Variants in PDE10A observed in about 807,000 individuals in gnomAD.
The protein encoded by PDE10A is phosphodiesterase 10A, also known as cAMP and cAMP-inhibited cGMP 3',5'-cyclic phosphodiesterase 10A.
A neutral mutation model predicts 97.7 loss-of-function variants in PDE10A; 39 were observed. The ratio of observed to expected loss-of-function variants is 0.40; its 90% confidence interval spans 0.31 to 0.52. The LOEUF is 0.52. Ranked by LOEUF, PDE10A falls within the 20% of genes least tolerant of loss-of-function variation. The pLI is 0.56. For synonymous variants in PDE10A, 371 were observed against 376.8 expected (o/e 0.98, Z 0.18); for missense variants, 731 against 1,047.8 (o/e 0.70, Z 4.17).
chr6:165,899,353 A>ATTAGATCATTTAATAATGAT (rs1782041243), intron 1 of PDE10A, among the ~76,000 whole-genome samples: 1 of 152,200 alleles, frequency 6.6e-6, no homozygotes, highest in Admixed American at 6.5e-5. Context: ...ACTAGAGTTG[A>ATTAGATCATTTAATAATGAT]CATTTAATAA....
At chr6:165,534,917 A>G (rs1448348506) in intron 2 of PDE10A, among the ~76,000 whole-genome samples, 1 of 152,016 alleles carries the variant, frequency 6.6e-6, no homozygotes. Context: ...CAACTTATTC[A>G]ATATAGTACT....
At chr6:165,959,963 G>C (rs1041367958) in intron 1 of PDE10A, among the ~76,000 whole-genome samples, 1 of 152,136 alleles carries the variant, frequency 6.6e-6, no homozygotes, top group Non-Finnish European at 1.5e-5. Flanking sequence ...TCTACAGTTA[G>C]CTGCACCAGC....
chr6:165,982,355 C>T (rs1785045927), intron 1 of PDE10A, among the ~76,000 whole-genome samples: 1 of 152,192 alleles, frequency 6.6e-6, no homozygotes, highest in Admixed American at 6.5e-5. Context: ...ACAGAAACTA[C>T]TTACTTTTAA....
At chr6:165,933,834 G>A (rs1180848474) in intron 1 of PDE10A, among the ~76,000 whole-genome samples, 2 of 152,176 alleles carry the variant, frequency 1.3e-5, no homozygotes, top group Non-Finnish European at 2.9e-5. Context: ...CCTTCCAAGT[G>A]TAGCCGGGAG....
chr6:165,379,676 T>C (rs1251538034), intron 17 of PDE10A, among the ~76,000 whole-genome samples: 1 of 152,140 alleles, frequency 6.6e-6, no homozygotes, highest in African/African-American at 2.4e-5. Flanking sequence ...TCTAATAGTT[T>C]AAAAAAACTT....
At chr6:165,397,650 C>G (rs879874425) in intron 13 of PDE10A, among the ~76,000 whole-genome samples, 15 of 133,148 alleles carry the variant, frequency 1.1e-4, no homozygotes, top group Non-Finnish European at 1.7e-4. Flanking sequence ...TGCAGTGAGC[C>G]AAGATGGCGC....
At chr6:165,585,840 A>T (rs1015119502) in intron 1 of PDE10A, among the ~76,000 whole-genome samples, 1 of 152,202 alleles carries the variant, frequency 6.6e-6, no homozygotes, top group Non-Finnish European at 1.5e-5. Context: ...AGCCTGTTGT[A>T]AATTATCAGA....
chr6:165,453,140 C>A (rs1777737554), intron 3 of PDE10A, among the ~76,000 whole-genome samples: 1 of 152,122 alleles, frequency 6.6e-6, no homozygotes, highest in African/African-American at 2.4e-5. Context: ...GGGCAATGAA[C>A]TCAAGTATCT....
chr6:165,655,028 G>A lies in PDE10A; in HGVS notation c.865+6919C>T, dbSNP rs1372386936. Among the ~76,000 whole-genome samples, 3 of 152,164 alleles carry A rather than the reference G, an allele frequency of 2.0e-5. No homozygotes were observed. Among genetic ancestry groups the A allele is most frequent in the African/African-American group, 4.8e-5 (2 of 41,434 alleles). ...TGGCTTCAACGACTACCTTGGTGTTGCAGAGTCCAAATCTCTCTTTCTACT... is the reference window on the plus strand; with the variant it reads ...TGGCTTCAACGACTACCTTGGTGTTACAGAGTCCAAATCTCTCTTTCTACT... On this transcript the variant is annotated intron_variant, in intron 1 of 21. Coordinates refer to ENST00000539869, the MANE Select transcript of PDE10A (RefSeq NM_001385079.1). This position sits in a 1 kb window ranked among gnomAD's most constrained non-coding sequence, Gnocchi z 4.5.
chr6:165,413,276 C>T (rs1360821660), intron 13 of PDE10A, among the ~76,000 whole-genome samples: 1 of 152,012 alleles, frequency 6.6e-6, no homozygotes, highest in African/African-American at 2.4e-5. Flanking sequence ...TTCTTCTTAA[C>T]AAATTCCCAC....
intron 1 of PDE10A, among the ~76,000 whole-genome samples, chr6:165,551,889 G>A (rs1276780965): frequency 6.6e-6 from 1 of 152,178 alleles, no homozygotes; most frequent in Non-Finnish European, 1.5e-5. Flanking sequence ...CTAACTGGAG[G>A]ATGGAAAGGG....
chr6:165,750,572 G>A (rs1247980749), intron 1 of PDE10A, among the ~76,000 whole-genome samples: 8 of 152,168 alleles, frequency 5.3e-5, no homozygotes, highest in African/African-American at 9.7e-5. Flanking sequence ...GATTTCAATC[G>A]CCTCGTGAGT....
At chr6:165,839,113 T>G (rs145906140) in intron 1 of PDE10A, among the ~76,000 whole-genome samples, 5 of 152,254 alleles carry the variant, frequency 3.3e-5, no homozygotes, top group Non-Finnish European at 7.3e-5. Flanking sequence ...ACTCTTTTTC[T>G]GTACGCCAAA....
At chr6:165,367,614 G>C (rs931393423) in intron 18 of PDE10A, among the ~76,000 whole-genome samples, 1 of 151,256 alleles carries the variant, frequency 6.6e-6, no homozygotes, top group Non-Finnish European at 1.5e-5. Context: ...AAAGATCACA[G>C]TATACTGAGG....
intron 1 of PDE10A, among the ~76,000 whole-genome samples, chr6:165,601,233 G>A (rs1038093665): frequency 4.5e-4 from 68 of 152,180 alleles, no homozygotes; most frequent in African/African-American, 1.6e-3. Flanking sequence ...TGATTCTGAG[G>A]CCTCCTCAGC....
rs764166903 is a variant in PDE10A at position 165,330,013 on chromosome 6, C to A, written c.*3012G>T. ...TTCTAATTAATCAATTCACATTGCC[C>A]GAATTCAATATTCCATGTTATTGGC... On this transcript the variant is annotated 3_prime_UTR_variant, in exon 22 of 22. Coordinates refer to ENST00000539869, the MANE Select transcript of PDE10A (RefSeq NM_001385079.1). 1 of 152,074 alleles carries A rather than the reference C, an allele frequency of 6.6e-6. No individual in the cohort carries two copies. The highest frequency in any genetic ancestry group is 1.5e-5 in the Non-Finnish European group (1 of 68,006). The allele number at this position is 152,074 out of a possible 1,614,324, so 9.4% of individuals were successfully genotyped here.
intron 3 of PDE10A, among the ~76,000 whole-genome samples, chr6:165,454,004 T>C (rs1777791554): frequency 6.6e-6 from 1 of 152,164 alleles, no homozygotes; most frequent in Non-Finnish European, 1.5e-5. Flanking sequence ...TAACCCCAAC[T>C]CCAGTGTGCC....
At chr6:165,485,117 C>T (rs1208451010) in intron 2 of PDE10A, among the ~76,000 whole-genome samples, 2 of 152,112 alleles carry the variant, frequency 1.3e-5, no homozygotes, top group Non-Finnish European at 2.9e-5. Context: ...ACCAGCTATC[C>T]AAGGAAGCCA....
rs368302388 is a variant in PDE10A at position 165,943,278 on chromosome 6, A to G, written c.-615+44251T>C. Among the ~76,000 whole-genome samples, 315 of 129,264 alleles carry G rather than the reference A, an allele frequency of 2.4e-3. 9 individuals carry two copies. The highest frequency in any genetic ancestry group is 7.3e-3 in the South Asian group (27 of 3,682). 84.8% of individuals were successfully genotyped at this position (129,264 alleles called of 152,430 possible). A position where few individuals can be genotyped will look rare whatever the true frequency, so the allele number is the denominator to read the frequency against. On this transcript the variant is annotated intron_variant, in intron 1 of 19. Transcript: ENST00000366882. ...AGGAAGGAAGGAAGGAAGGAAGGAAAGAAAGAAAGAAAGAAGGAAAGAAAG... is the reference window on the plus strand; with the variant it reads ...AGGAAGGAAGGAAGGAAGGAAGGAAGGAAAGAAAGAAAGAAGGAAAGAAAG...
Sources: gnomAD v4.1 joint callset for allele counts (sites outside exome capture counted in the v4.1 genomes callset) on GRCh38, gnomAD v4.1.1 for gene constraint, Gnocchi (gnomAD v3.1) non-coding constraint, MANE v1.5 for transcripts, NCBI Gene and HGNC (gene_info 2026-07-23, HGNC 2026-07-21) for gene names.